Variants in RFC1 observed in about 807,000 individuals in gnomAD.
RFC1 encodes the protein replication factor C subunit 1.
RFC1 carries 37 observed loss-of-function variants against 137.4 expected under a neutral mutation model. The ratio of observed to expected loss-of-function variants is 0.27; its 90% CI spans 0.21 to 0.35. RFC1 has a LOEUF of 0.35. RFC1 is among the 10% of genes least tolerant of loss of function. RFC1 has a pLI of 1.00. For synonymous variants in RFC1, 429 were observed against 455.7 expected, an observed-to-expected ratio of 0.94 and a Z score of 0.75; for missense variants, 1,205 against 1,358.5, an observed-to-expected ratio of 0.89 and a Z score of 1.78.
At chr4:39,360,554 TAAATACAATA>T (rs1197151698) in intron 1 of RFC1, among the ~76,000 whole-genome samples, 1 of 144,564 alleles carries the variant, frequency 6.9e-6, no homozygotes, top group African/African-American at 2.5e-5. Flanking sequence ...TAAAATAAAA[TAAATACAATA>T]AAATAAAATA....
At chr4:39,323,281 A>T in intron 7 of RFC1, 59 bp downstream of exon 7, 1 of 1,297,248 alleles carries the variant, frequency 7.7e-7, no homozygotes, top group Non-Finnish European at 1.1e-6. Context: ...AGAACACGCA[A>T]GTATGAACAC....
chr4:39,313,816 T>G (rs1739095925), intron 10 of RFC1, among the ~76,000 whole-genome samples: 1 of 152,192 alleles, frequency 6.6e-6, no homozygotes. Context: ...TCTAGCAATC[T>G]TCTAGTAACT....
In RFC1 at chr4:39,339,348, T is replaced by G. The variant is rs1050903259; in HGVS notation, c.331+2997A>C. The stretch of plus-strand genomic sequence containing the variant: ...CTGTTTTCCAAAATGGCTGCACCAA[T>G]CTACATTCCCACCAATGGTGTATAG... On this transcript the variant is annotated intron_variant, in intron 4 of 24. Transcript: ENST00000349703. Among the ~76,000 whole-genome samples, 12 of 152,268 alleles carry G rather than the reference T, an allele frequency of 7.9e-5. No homozygotes were observed. The South Asian group carries it at 2.5e-3, about 32-fold the overall frequency.
At chr4:39,363,241 T>C (rs771245489) in intron 1 of RFC1, among the ~76,000 whole-genome samples, 6 of 152,248 alleles carry the variant, frequency 3.9e-5, no homozygotes, top group Non-Finnish European at 8.8e-5. Flanking sequence ...TCAAATTGTC[T>C]ACATGGCTTC....
chr4:39,325,399 G>A (rs6815219), intron 6 of RFC1, among the ~76,000 whole-genome samples: 70,098 of 151,926 alleles, frequency 0.46, 16,332 homozygotes, highest in Middle Eastern at 0.49. Flanking sequence ...ATTATTTTCC[G>A]AGAGACAAGG....
intron 1 of RFC1, among the ~76,000 whole-genome samples, chr4:39,363,335 G>A (rs1055164511): frequency 3.3e-5 from 5 of 152,040 alleles, no homozygotes; most frequent in South Asian, 2.1e-4. Flanking sequence ...CTCTTATCCT[G>A]CCTCTCAGAC....
At position 39,316,921 on chromosome 4, in the gene RFC1, T is replaced by C. The variant is rs768311053; in HGVS notation, c.1197A>G (p.Ile399Met). The C allele has an allele frequency of 4.3e-6, 7 of 1,610,196 alleles. No individual in the cohort carries two copies. The highest frequency in any genetic ancestry group is 5.1e-6 in the Non-Finnish European group (6 of 1,176,490). The change falls in exon 10 of 25, where the codon ATA becomes ATG. Residue 399 changes from isoleucine to methionine, a missense_variant. Physicochemically the swap from Ile to Met is conservative, Grantham distance 10. Coordinates refer to ENST00000349703, the MANE Select transcript of RFC1 (RefSeq NM_002913.5). ...GCCCTCTCAGTACTCTTACCTTTGGTATTTCTTTGGAGCCCAGAGCCTTGG... is the reference window on the plus strand; with the variant it reads ...GCCCTCTCAGTACTCTTACCTTTGGCATTTCTTTGGAGCCCAGAGCCTTGG... ...EGPKALGSKE[I>M]PKGAENCLEG...
At chr4:39,357,119 T>C (rs1277423430) in intron 1 of RFC1, among the ~76,000 whole-genome samples, 2 of 152,156 alleles carry the variant, frequency 1.3e-5, no homozygotes, top group African/African-American at 2.4e-5. Context: ...CTTTCTTTAA[T>C]CCATCTTTAG....
intron 23 of RFC1, 135 bp downstream of exon 23, chr4:39,291,504 A>G (rs973415355): frequency 4.6e-6 from 3 of 656,932 alleles, no homozygotes; most frequent in Non-Finnish European, 8.1e-6. Flanking sequence ...TTTGGAAAAT[A>G]TAGGCCATAA....
At chr4:39,303,331 A>G in intron 15 of RFC1, 180 bp from the exon 16 acceptor site, 1 of 584,998 alleles carries the variant, frequency 1.7e-6, no homozygotes, top group African/African-American at 1.9e-5. Flanking sequence ...CAGAGAAGAG[A>G]AACTCTCCCT....
chr4:39,289,236 T>A (rs192592569), intron 24 of RFC1, among the ~76,000 whole-genome samples: 38 of 152,326 alleles, frequency 2.5e-4, no homozygotes, highest in Middle Eastern at 6.8e-3. Flanking sequence ...AGTCATTTTG[T>A]GAAAGCAGAA....
At chr4:39,348,450 AAAAGAAAAG>A (rs1480900671) in intron 2 of RFC1, among the ~76,000 whole-genome samples, 2 of 126,408 alleles carry the variant, frequency 1.6e-5, no homozygotes, top group Non-Finnish European at 3.7e-5. Context: ...AAAAGAAAAG[AAAAGAAAAG>A]AAAAGAAAAG....
At chr4:39,316,786 A>G (rs1310935767) in intron 10 of RFC1, 129 bp downstream of exon 10, 1 of 584,884 alleles carries the variant, frequency 1.7e-6, no homozygotes, top group African/African-American at 1.9e-5. Flanking sequence ...TCTTGAAGAC[A>G]GTAACTGAAG....
At chr4:39,327,117 TA>T (rs1739811356) in intron 5 of RFC1, among the ~76,000 whole-genome samples, 1 of 152,174 alleles carries the variant, frequency 6.6e-6, no homozygotes, top group Admixed American at 6.5e-5. Flanking sequence ...ATGAATCCAA[TA>T]TCTGCCAAAG....
chr4:39,364,470 C>A (rs1235289891), intron 1 of RFC1, among the ~76,000 whole-genome samples: 8 of 152,134 alleles, frequency 5.3e-5, no homozygotes, highest in Admixed American at 5.2e-4. Flanking sequence ...TGACCTATTT[C>A]TTTTCTGAGA....
At chr4:39,329,229 C>T (rs561397452) in intron 4 of RFC1, among the ~76,000 whole-genome samples, 1 of 149,110 alleles carries the variant, frequency 6.7e-6, no homozygotes, top group African/African-American at 2.5e-5. Flanking sequence ...AGGCCGGGCA[C>T]GGTAGCACAC....
chr4:39,326,837 T>C (rs1405593807), intron 5 of RFC1, among the ~76,000 whole-genome samples, 197 bp from the exon 6 acceptor site: 2 of 152,132 alleles, frequency 1.3e-5, no homozygotes, highest in Non-Finnish European at 2.9e-5. Context: ...AAATATCCTA[T>C]AGACAGACCT....
intron 23 of RFC1, among the ~76,000 whole-genome samples, chr4:39,290,533 G>A (rs1261982909): frequency 1.3e-5 from 2 of 152,006 alleles, no homozygotes; most frequent in Admixed American, 6.6e-5. Context: ...AAAGGGGCTC[G>A]GCTGGGTGTG....
chr4:39,291,955 CAAT>C (rs1350528264), intron 22 of RFC1, 103 bp from the exon 23 acceptor site: 3 of 826,548 alleles, frequency 3.6e-6, no homozygotes, highest in Non-Finnish European at 6.1e-6. Context: ...AATCCAATTT[CAAT>C]AATGCTGAAT....
Sources: gnomAD v4.1 joint callset for allele counts (sites outside exome capture counted in the v4.1 genomes callset) on GRCh38, gnomAD v4.1.1 for gene constraint, MANE v1.5 for transcripts, NCBI Gene and HGNC (gene_info 2026-07-23, HGNC 2026-07-21) for gene names.